KATNIP: variants seen among roughly 807,000 people sequenced by gnomAD.
KATNIP encodes the protein katanin-interacting protein.
KATNIP carries 126 observed loss-of-function variants against 174.0 expected under a neutral mutation model. The ratio of observed to expected loss-of-function variants is 0.72; its 90% CI spans 0.63 to 0.84. KATNIP has a LOEUF of 0.84. Among genes scored for constraint, KATNIP ranks in the 40% least tolerant of loss-of-function variants. The pLI, the probability that KATNIP is intolerant of heterozygous loss-of-function variation, is 0.00. For missense variants in KATNIP, 1,958 were observed against 2,109.7 expected (o/e 0.93, Z 1.41); for synonymous variants, 810 against 835.7 (o/e 0.97, Z 0.53).
chr16:27,656,446 A>G (rs1468268229), intron 6 of KATNIP, among the ~76,000 whole-genome samples: 1 of 150,938 alleles, frequency 6.6e-6, no homozygotes, highest in African/African-American at 2.4e-5. Context: ...AAAAAGGAAG[A>G]AAAAAAAGTC....
At chr16:27,628,093 T>C (rs2076384792) in intron 3 of KATNIP, among the ~76,000 whole-genome samples, 1 of 152,226 alleles carries the variant, frequency 6.6e-6, no homozygotes, top group Non-Finnish European at 1.5e-5. Flanking sequence ...GAATATGACA[T>C]GATGGCCTTT....
chr16:27,568,100 T>C (rs562143533), intron 1 of KATNIP, among the ~76,000 whole-genome samples: 1 of 152,372 alleles, frequency 6.6e-6, no homozygotes, highest in African/African-American at 2.4e-5. Flanking sequence ...TTTTCCCTTT[T>C]TCTTAGAGAA....
At chr16:27,771,069 C>G (rs1224559017) in intron 21 of KATNIP, among the ~76,000 whole-genome samples, 1 of 152,212 alleles carries the variant, frequency 6.6e-6, no homozygotes, top group Non-Finnish European at 1.5e-5. Context: ...CCAGAGCACT[C>G]CCTGAGGCAG....
chr16:27,717,686 G>T (rs996199967), intron 13 of KATNIP, among the ~76,000 whole-genome samples: 3 of 152,140 alleles, frequency 2.0e-5, no homozygotes, highest in Non-Finnish European at 4.4e-5. Flanking sequence ...CCACCCTTTT[G>T]CCCTAGCACT....
intron 19 of KATNIP, among the ~76,000 whole-genome samples, chr16:27,761,910 T>C (rs1350216394): frequency 6.6e-6 from 1 of 152,230 alleles, no homozygotes; most frequent in Non-Finnish European, 1.5e-5. Flanking sequence ...AGTAGCTGTC[T>C]GTAAACCTTT....
chr16:27,600,685 A>C (rs2075491139), intron 2 of KATNIP, among the ~76,000 whole-genome samples: 2 of 147,618 alleles, frequency 1.4e-5, no homozygotes, highest in African/African-American at 2.5e-5. Context: ...CAGTAATCCC[A>C]GGCCCCCTCC....
intron 16 of KATNIP, among the ~76,000 whole-genome samples, chr16:27,751,393 C>T (rs1214832494): frequency 1.3e-5 from 2 of 152,298 alleles, no homozygotes; most frequent in Non-Finnish European, 1.5e-5. Context: ...AGGCAAGGCA[C>T]TCTGAGAAAA....
intron 2 of KATNIP, among the ~76,000 whole-genome samples, chr16:27,593,965 G>A (rs2075258526): frequency 6.6e-6 from 1 of 152,068 alleles, no homozygotes; most frequent in African/African-American, 2.4e-5. Context: ...TGGCTGATGG[G>A]GCAGTGACAT....
rs2082553340 is a variant in KATNIP at position 27,777,792 on chromosome 16, T to C, written c.4712+22T>C. 6.2e-7 allele frequency: 1 copy of C among 1,612,890 alleles called. No homozygotes were observed. Among genetic ancestry groups the C allele is most frequent in the East Asian group, 2.2e-5 (1 of 44,860 alleles). ...TCAGGTAGGGCCCCAGCCGGCCCCA[T>C]GGCCTCCCCACCAGCCCTAAGGAGG... On this transcript the variant is annotated intron_variant, in intron 26 of 27. Transcript: ENST00000261588. The surrounding 1 kb of genome is among the most constrained non-coding windows in gnomAD (Gnocchi z 4.4).
In KATNIP at chr16:27,658,929, AT is replaced by A. The variant is rs545255424; in HGVS notation, c.540+10208del. On this transcript the variant is annotated intron_variant, in intron 6 of 27. Transcript: ENST00000261588. The stretch of plus-strand genomic sequence containing the variant: ...AGATGTGTGCTAGCATGCCCAGCTA[AT>A]TTTTTTTTTTTTTCCCAGTAGAGAC... Among the ~76,000 whole-genome samples the A allele has an allele frequency of 6.7e-3, 967 of 143,926 alleles. 3 individuals are homozygous for A. The highest frequency in any genetic ancestry group is 8.5e-3 in the Non-Finnish European group (556 of 65,362). The allele number at this position is 143,926 out of a possible 152,430, so 94.4% of individuals were successfully genotyped here.
Position 27,721,554 on chromosome 16 carries a change from C to T in KATNIP, c.1606-4C>T, listed in dbSNP as rs1180389124. ...ATGATTTCCTTCTCTTGCTGGCCTT[C>T]TAGGGCAAGAAAGACTCCTCCCCGT... On this transcript the variant is annotated splice_region_variant and splice_polypyrimidine_tract_variant and intron_variant, in intron 13 of 27. Transcript: ENST00000261588. The T allele has an allele frequency of 1.9e-6, 3 of 1,614,068 alleles. No individual in the cohort carries two copies. The highest frequency in any genetic ancestry group is 1.3e-5 in the African/African-American group (1 of 75,030).
chr16:27,682,207 G>A (rs2078371120), intron 8 of KATNIP, among the ~76,000 whole-genome samples: 2 of 152,202 alleles, frequency 1.3e-5, no homozygotes, highest in South Asian at 4.1e-4. Flanking sequence ...GACCAGCTTT[G>A]TCTATGTTCT....
In KATNIP at chr16:27,779,612, C is replaced by T. The variant is rs558794644; in HGVS notation, c.*983C>T. 1.3e-5 allele frequency: 2 copies of T among 152,500 alleles called. No individual in the cohort carries two copies. The highest frequency in any genetic ancestry group is 3.9e-4 in the East Asian group (2 of 5,184). The allele number at this position is 152,500 out of a possible 1,614,324, so 9.4% of individuals were successfully genotyped here. A position where few individuals can be genotyped will look rare whatever the true frequency, so the allele number is the denominator to read the frequency against. ...CTGCTTTCTGTCTCTGCCCCTGTGC[C>T]CTTGGAGGCAGGCAGTGAGGTGCTC... On this transcript the variant is annotated 3_prime_UTR_variant, in exon 28 of 28. Transcript: ENST00000261588.
At chr16:27,670,370 C>CT (rs1212822288) in intron 6 of KATNIP, among the ~76,000 whole-genome samples, 5 of 152,216 alleles carry the variant, frequency 3.3e-5, no homozygotes. Context: ...GGCTACAGCG[C>CT]TTACCATTAG....
chr16:27,696,110 A>T (rs749309981), intron 8 of KATNIP, among the ~76,000 whole-genome samples: 3 of 152,178 alleles, frequency 2.0e-5, no homozygotes, highest in Non-Finnish European at 4.4e-5. Context: ...CCATCTTTCC[A>T]TTCATGGGAA....
intron 4 of KATNIP, among the ~76,000 whole-genome samples, chr16:27,629,057 A>G (rs1474684153): frequency 2.6e-5 from 4 of 151,938 alleles, no homozygotes; most frequent in Non-Finnish European, 5.9e-5. Context: ...AGTCCCAGCT[A>G]CTGAGGAGGC....
At chr16:27,698,868 G>A (rs762585146) in intron 9 of KATNIP, among the ~76,000 whole-genome samples, 10 of 152,196 alleles carry the variant, frequency 6.6e-5, no homozygotes, top group South Asian at 2.1e-4. Context: ...ATTCCCGAGC[G>A]TGGGCCCTTC....
chr16:27,771,559 C>T (rs374864162), intron 21 of KATNIP, 29 bp from the exon 22 acceptor site: 4 of 1,607,838 alleles, frequency 2.5e-6, no homozygotes, highest in Non-Finnish European at 3.4e-6. Flanking sequence ...TCGTGAGCTT[C>T]TTCATGGTGC....
intron 6 of KATNIP, among the ~76,000 whole-genome samples, chr16:27,649,866 G>A (rs2077065751): frequency 6.6e-6 from 1 of 152,182 alleles, no homozygotes; most frequent in Non-Finnish European, 1.5e-5. Context: ...CATTTCAGTT[G>A]AAACCTGATG....
Sources: gnomAD v4.1 joint callset for allele counts (sites outside exome capture counted in the v4.1 genomes callset) on GRCh38, gnomAD v4.1.1 for gene constraint, Gnocchi (gnomAD v3.1) non-coding constraint, MANE v1.5 for transcripts, NCBI Gene and HGNC (gene_info 2026-07-23, HGNC 2026-07-21) for gene names.